The following L3MBTL4 variants were observed in gnomAD, a reference collection of about 807,000 sequenced individuals.
L3MBTL4 encodes L3MBTL histone methyl-lysine binding protein 4.
Under a neutral mutation model 84.5 loss-of-function variants are expected in L3MBTL4, and 70 were observed. The observed-to-expected ratio is 0.83, with a 90% CI of 0.68 to 1.01. The LOEUF (loss-of-function observed/expected upper bound fraction) is 1.01, where lower values mean the gene tolerates loss of function less well. L3MBTL4 is among the 50% of genes least tolerant of loss of function. L3MBTL4 has a pLI of 0.00. For missense variants in L3MBTL4, 715 were observed against 754.8 expected, an observed-to-expected ratio of 0.95 and a Z score of 0.62; for synonymous variants, 274 against 259.8, an observed-to-expected ratio of 1.05 and a Z score of -0.52.
intron 14 of L3MBTL4, among the ~76,000 whole-genome samples, chr18:6,134,800 C>T (rs990489875): frequency 1.3e-5 from 2 of 152,150 alleles, no homozygotes; most frequent in African/African-American, 2.4e-5. Context: ...TGCCTGCAGC[C>T]TTTCCAGGTG....
At chr18:6,319,582 A>G (rs2051298786) in intron 1 of L3MBTL4, among the ~76,000 whole-genome samples, 1 of 152,216 alleles carries the variant, frequency 6.6e-6, no homozygotes, top group East Asian at 1.9e-4. Context: ...TTAAATCAGG[A>G]AGAAATAGAA....
chr18:6,396,049 A>G (rs570675691), intron 1 of L3MBTL4: 1 of 151,568 alleles, frequency 6.6e-6, no homozygotes, highest in South Asian at 2.1e-4. Context: ...ATAGGTGAGA[A>G]AAAAAATAAG....
intron 16 of L3MBTL4, among the ~76,000 whole-genome samples, chr18:6,055,944 C>T (rs2057007122): frequency 6.6e-6 from 1 of 152,038 alleles, no homozygotes; most frequent in South Asian, 2.1e-4. Flanking sequence ...CAACTGTGAA[C>T]CATAATCTAA....
chr18:6,226,528 GT>G (rs1355759484), intron 10 of L3MBTL4, among the ~76,000 whole-genome samples: 2 of 152,054 alleles, frequency 1.3e-5, no homozygotes, highest in African/African-American at 4.8e-5. Context: ...TTTACTTCAT[GT>G]TTTCCTTATT....
At chr18:6,160,853 A>G (rs765116742) in intron 13 of L3MBTL4, among the ~76,000 whole-genome samples, 17 of 152,168 alleles carry the variant, frequency 1.1e-4, no homozygotes, top group Non-Finnish European at 2.4e-4. Flanking sequence ...CCACGCAAGA[A>G]AAACTGGACA....
At chr18:6,355,775 T>C (rs1312140015) in intron 1 of L3MBTL4, among the ~76,000 whole-genome samples, 1 of 152,092 alleles carries the variant, frequency 6.6e-6, no homozygotes. Context: ...AACAGTGTGC[T>C]AGGTAAAGAT....
At chr18:5,958,208 A>C (rs2095244393) in intron 18 of L3MBTL4, among the ~76,000 whole-genome samples, 1 of 152,178 alleles carries the variant, frequency 6.6e-6, no homozygotes, top group South Asian at 2.1e-4. Flanking sequence ...AAAATCCTGT[A>C]GTGTCAATGT....
At chr18:6,142,386 A>G (rs2060224300) in intron 13 of L3MBTL4, among the ~76,000 whole-genome samples, 1 of 152,242 alleles carries the variant, frequency 6.6e-6, no homozygotes, top group South Asian at 2.1e-4. Flanking sequence ...GTTGCATGGA[A>G]ATACTGACTG....
At chr18:5,995,511 G>A (rs2053918875) in intron 16 of L3MBTL4, among the ~76,000 whole-genome samples, 1 of 152,174 alleles carries the variant, frequency 6.6e-6, no homozygotes, top group Non-Finnish European at 1.5e-5. Flanking sequence ...CAAGGTTATC[G>A]TGAAGGAGAT....
chr18:6,305,718 T>C (rs960844023), intron 3 of L3MBTL4, among the ~76,000 whole-genome samples: 3 of 152,274 alleles, frequency 2.0e-5, no homozygotes, highest in African/African-American at 7.2e-5. Flanking sequence ...TTAAAATCCA[T>C]CATTTTGGAA....
rs547058805 is a variant in L3MBTL4, at chr18:6,168,264, C to A, written c.1096+3564G>T. 9.9e-4 allele frequency among the ~76,000 whole-genome samples: 151 copies of A among 152,120 alleles called. 1 individual carries two copies. Among genetic ancestry groups the A allele is most frequent in the African/African-American group, 3.4e-3 (140 of 41,514 alleles). On this transcript the variant is annotated intron_variant, in intron 13 of 18. Coordinates refer to ENST00000317931, the MANE Select transcript of L3MBTL4 (RefSeq NM_001330559.2). Reference sequence around the variant, plus strand: ...TGGCCATACTGCCCAAGGTAATTTACAGATTCAATGCCATCCCCATCAAGC... The same window carrying A: ...TGGCCATACTGCCCAAGGTAATTTAAAGATTCAATGCCATCCCCATCAAGC...
At chr18:6,071,753 G>C (rs967654986) in intron 16 of L3MBTL4, among the ~76,000 whole-genome samples, 2 of 61,778 alleles carry the variant, frequency 3.2e-5, no homozygotes, top group African/African-American at 9.2e-5. Context: ...AGGAAAGAAA[G>C]AAAGAAAAAA....
At chr18:6,244,710 A>G (rs2047586053) in intron 5 of L3MBTL4, 122 bp from the exon 6 acceptor site, 3 of 695,430 alleles carry the variant, frequency 4.3e-6, no homozygotes, top group Non-Finnish European at 7.5e-6. Context: ...AGAGAGTAGA[A>G]TGGTGTCTAC....
At chr18:6,404,181 A>G (rs1037893329) in intron 1 of L3MBTL4, among the ~76,000 whole-genome samples, 1 of 152,200 alleles carries the variant, frequency 6.6e-6, no homozygotes, top group Admixed American at 6.5e-5. Flanking sequence ...CCAAAACCTC[A>G]CAAATCACCA....
At chr18:6,072,006 T>C (rs1429164435) in intron 16 of L3MBTL4, among the ~76,000 whole-genome samples, 1 of 151,972 alleles carries the variant, frequency 6.6e-6, no homozygotes, top group Non-Finnish European at 1.5e-5. Flanking sequence ...AACAAACAAA[T>C]ACTAATCAAA....
At chr18:6,033,445 A>G (rs2055941988) in intron 16 of L3MBTL4, among the ~76,000 whole-genome samples, 1 of 152,066 alleles carries the variant, frequency 6.6e-6, no homozygotes, top group Admixed American at 6.6e-5. Context: ...CTGTCTTTTG[A>G]TTGGAGAGTT....
chr18:6,011,742 C>T (rs1020767872), intron 16 of L3MBTL4, among the ~76,000 whole-genome samples: 2 of 152,182 alleles, frequency 1.3e-5, no homozygotes, highest in African/African-American at 2.4e-5. Context: ...AAAGGAAACA[C>T]GGTGGCTTTT....
At chr18:6,296,231 G>A (rs1049369245) in intron 4 of L3MBTL4, among the ~76,000 whole-genome samples, 11 of 152,022 alleles carry the variant, frequency 7.2e-5, no homozygotes, top group South Asian at 2.1e-4. Flanking sequence ...CATATCCCCC[G>A]GCACCAAAAC....
chr18:6,142,085 C>T (rs1201122561), intron 13 of L3MBTL4, among the ~76,000 whole-genome samples: 1 of 152,214 alleles, frequency 6.6e-6, no homozygotes, highest in Non-Finnish European at 1.5e-5. Context: ...GCTTATATTT[C>T]ACTTCCTCAT....
Sources: allele counts gnomAD v4.1 joint callset (sites outside exome capture counted in the v4.1 genomes callset), GRCh38; gene constraint gnomAD v4.1.1; transcripts MANE v1.5; gene names NCBI Gene and HGNC (gene_info 2026-07-23, HGNC 2026-07-21).